JAK2: variants seen among roughly 807,000 people sequenced by gnomAD.
JAK2 encodes the protein Janus kinase 2.
JAK2 carries 86 observed loss-of-function variants against 139.3 expected under a neutral mutation model. The observed-to-expected ratio is 0.62, with a 90% CI of 0.52 to 0.74. The LOEUF (loss-of-function observed/expected upper bound fraction) is 0.74, where lower values mean the gene tolerates loss of function less well. Ranked by LOEUF, JAK2 falls within the 30% of genes least tolerant of loss-of-function variation. The probability of loss-of-function intolerance (pLI) is 0.00; values close to 1 mark genes in which losing one functional copy is unlikely to be tolerated. For synonymous variants in JAK2, 490 were observed against 437.7 expected, an observed-to-expected ratio of 1.12 and a Z score of -1.49; for missense variants, 1,421 against 1,360.3, an observed-to-expected ratio of 1.04 and a Z score of -0.70.
chr9:5,107,800 A>G (rs1434696323), intron 22 of JAK2: 1 of 152,118 alleles, frequency 6.6e-6, no homozygotes, highest in African/African-American at 2.4e-5. Context: ...ATTTTACTCT[A>G]GCATCTATAA....
intron 10 of JAK2, among the ~76,000 whole-genome samples, chr9:5,067,834 G>A (rs1223057468): frequency 6.6e-6 from 1 of 151,944 alleles, no homozygotes; most frequent in Non-Finnish European, 1.5e-5. Flanking sequence ...GGCAAATATA[G>A]ACAGTAACAG....
At chr9:5,036,120 T>C (rs1823581518) in intron 4 of JAK2, among the ~76,000 whole-genome samples, 2 of 152,098 alleles carry the variant, frequency 1.3e-5, no homozygotes, top group South Asian at 4.1e-4. Flanking sequence ...ATGAGTGAAC[T>C]CCCATTCACA....
intron 4 of JAK2, chr9:5,041,516 C>A: frequency 1.8e-6 from 1 of 558,286 alleles, no homozygotes; most frequent in East Asian, 4.6e-5. Flanking sequence ...CATAGCGCGC[C>A]ACGCCCATCG....
At chr9:5,061,338 C>G (rs1818157239) in intron 8 of JAK2, among the ~76,000 whole-genome samples, 1 of 152,226 alleles carries the variant, frequency 6.6e-6, no homozygotes, top group African/African-American at 2.4e-5. Context: ...ATTCTTCCAA[C>G]AGAAGGCTGT....
intron 12 of JAK2, among the ~76,000 whole-genome samples, chr9:5,071,201 C>T (rs1345871621): frequency 1.3e-5 from 2 of 152,056 alleles, no homozygotes; most frequent in East Asian, 1.9e-4. Flanking sequence ...AAAATCTTTT[C>T]GGAACCACAT....
rs184529195 is a variant in JAK2, at chr9:5,077,919, C to T, written c.1992+339C>T. 9.2e-5 allele frequency among the ~76,000 whole-genome samples: 14 copies of T among 152,192 alleles called. No homozygotes were observed. The South Asian group carries it at 1.2e-3, about 14-fold the overall frequency. On this transcript the variant is annotated intron_variant, in intron 15 of 24. Coordinates refer to ENST00000381652, the MANE Select transcript of JAK2 (RefSeq NM_004972.4). ...TTGTACATTATGGTCCATGAGAAAG[C>T]GGTGTTGACAGAGAAGAATACCAGG...
intron 4 of JAK2, among the ~76,000 whole-genome samples, chr9:5,033,247 G>A (rs1028141312): frequency 6.6e-6 from 1 of 152,208 alleles, no homozygotes. Context: ...GGGACTATGT[G>A]AAAAGACCAA....
chr9:4,999,271 C>G (rs978348968), intron 2 of JAK2, among the ~76,000 whole-genome samples: 52 of 152,208 alleles, frequency 3.4e-4, no homozygotes, highest in African/African-American at 1.3e-3. Context: ...TAGTATTCAT[C>G]TTAGATTTCT....
chr9:5,014,871 C>G (rs550775895), intron 2 of JAK2, among the ~76,000 whole-genome samples: 9 of 151,894 alleles, frequency 5.9e-5, no homozygotes, highest in Non-Finnish European at 1.3e-4. Context: ...GTCTATCTTG[C>G]AGAAGTAACC....
At chr9:5,037,677 A>G (rs2130247468) in intron 4 of JAK2, among the ~76,000 whole-genome samples, 1 of 152,244 alleles carries the variant, frequency 6.6e-6, no homozygotes, top group East Asian at 1.9e-4. Flanking sequence ...TGGACACAGG[A>G]ATGGAACATC....
intron 8 of JAK2, among the ~76,000 whole-genome samples, chr9:5,063,616 G>C (rs1037768967): frequency 6.6e-6 from 1 of 152,030 alleles, no homozygotes; most frequent in African/African-American, 2.4e-5. Flanking sequence ...AATTTAGAGA[G>C]GATTTTTACA....
At chr9:5,110,427 C>G (rs75635551) in intron 22 of JAK2, 6,935 of 152,442 alleles carry the variant, frequency 0.045, 226 homozygotes, top group Non-Finnish European at 0.067. Flanking sequence ...CATTAATCAG[C>G]CACATCTAGC....
At chr9:5,106,107 A>T (rs575127513) in intron 22 of JAK2, among the ~76,000 whole-genome samples, 10 of 152,210 alleles carry the variant, frequency 6.6e-5, no homozygotes, top group African/African-American at 2.2e-4. Context: ...ACAAACTACC[A>T]TTAGAGTGGA....
chr9:5,115,090 G>C (rs1354332830), intron 22 of JAK2, among the ~76,000 whole-genome samples: 1 of 152,124 alleles, frequency 6.6e-6, no homozygotes, highest in Non-Finnish European at 1.5e-5. Flanking sequence ...AAACTAAACA[G>C]CTGCATAGCA....
chr9:5,050,216 T>C lies in JAK2; in HGVS notation c.469-470T>C, dbSNP rs190580896. Among the ~76,000 whole-genome samples, 1,135 of 152,344 alleles carry C rather than the reference T, an allele frequency of 7.5e-3. 8 individuals carry two copies. The highest frequency in any genetic ancestry group is 9.7e-3 in the Non-Finnish European group (663 of 68,026). On this transcript the variant is annotated intron_variant, in intron 5 of 24. Coordinates refer to ENST00000381652, the MANE Select transcript of JAK2 (RefSeq NM_004972.4). Reference sequence around the variant, plus strand: ...TAATTGGGAACCCAGTGTAAATCAGTTTCCATTTGCAAATGAACTTTTATT... The same window carrying C: ...TAATTGGGAACCCAGTGTAAATCAGCTTCCATTTGCAAATGAACTTTTATT...
intron 7 of JAK2, 92 bp from the exon 8 acceptor site, chr9:5,055,577 G>T: frequency 9.9e-7 from 1 of 1,013,198 alleles, no homozygotes; most frequent in East Asian, 2.6e-5. Flanking sequence ...TTATTTTAAA[G>T]AATTTGGAAA....
intron 7 of JAK2, 100 bp from the exon 8 acceptor site, chr9:5,055,563 TTTTTTA>T (rs1338103391): frequency 1.1e-6 from 1 of 885,038 alleles, no homozygotes; most frequent in African/African-American, 1.7e-5. Context: ...TATCAATACC[TTTTTTA>T]TTTTAAAGAA....
chr9:5,071,750 C>A (rs1818962262), intron 12 of JAK2, among the ~76,000 whole-genome samples: 1 of 152,164 alleles, frequency 6.6e-6, no homozygotes, highest in African/African-American at 2.4e-5. Context: ...TAAAGACAAG[C>A]ATCTTCATGT....
intron 4 of JAK2, 43 bp downstream of exon 4, chr9:5,029,949 A>C (rs1222762161): frequency 6.6e-7 from 1 of 1,512,454 alleles, no homozygotes; most frequent in Non-Finnish European, 8.9e-7. Context: ...CTAAAAGGCA[A>C]AATGGGAGAA....
Sources: allele counts gnomAD v4.1 joint callset (sites outside exome capture counted in the v4.1 genomes callset), GRCh38; gene constraint gnomAD v4.1.1; transcripts MANE v1.5; gene names NCBI Gene and HGNC (gene_info 2026-07-23, HGNC 2026-07-21).